PPFIBP1: variants seen among roughly 807,000 people sequenced by gnomAD.
PPFIBP1 encodes PPFIB scaffold protein 1.
Under a neutral mutation model 137.8 loss-of-function variants are expected in PPFIBP1, and 112 were observed. That is an observed-to-expected ratio of 0.81 (90% confidence interval 0.70 to 0.95). The LOEUF (loss-of-function observed/expected upper bound fraction) is 0.95. Among genes scored for constraint, PPFIBP1 ranks in the 40% least tolerant of loss-of-function variants. The pLI is 0.00. For synonymous variants in PPFIBP1, 378 were observed against 417.3 expected, an observed-to-expected ratio of 0.91 and a Z score of 1.15; for missense variants, 1,083 against 1,196.6, an observed-to-expected ratio of 0.91 and a Z score of 1.40.
At chr12:27,539,255 C>T (rs539255240) in intron 1 of PPFIBP1, among the ~76,000 whole-genome samples, 15 of 152,272 alleles carry the variant, frequency 9.9e-5, no homozygotes, top group African/African-American at 2.9e-4. Context: ...AGTGAGAAGC[C>T]TTATGCTAAG....
intron 2 of PPFIBP1, among the ~76,000 whole-genome samples, chr12:27,597,040 G>T (rs1412485355): frequency 6.6e-6 from 1 of 152,158 alleles, no homozygotes; most frequent in East Asian, 1.9e-4. Flanking sequence ...CTGGTTTCTT[G>T]GAAGAAAATC....
Position 27,680,025 on chromosome 12 carries a change from G to A in PPFIBP1, c.1859G>A (p.Arg620Gln), listed in dbSNP as rs377120565. Residue 620 changes from arginine (R) to glutamine (Q), a missense_variant, in exon 21 of 30, where the codon CGA (arginine) becomes CAA (glutamine). Coordinates refer to ENST00000228425, the MANE Select transcript of PPFIBP1 (RefSeq NM_003622.4). ...GGGACAAGGGCAACCGCGGGGCCCC[G>A]ATTAGGTTGGTCTCGAGACTTGGGA... is the stretch of plus-strand genomic sequence containing the variant. ...RGGTRATAGP[R>Q]LGWSRDLGQS... 1.7e-5 allele frequency: 28 copies of A among 1,613,984 alleles called. No homozygotes were observed. The highest frequency in any genetic ancestry group is 4.0e-5 in the African/African-American group (3 of 74,906).
chr12:27,687,406 G>C lies in PPFIBP1; in HGVS notation c.2269G>C (p.Val757Leu), dbSNP rs1363429727. The change falls in exon 25 of 30, where the codon GTT becomes CTT. Residue 757 changes from valine to leucine, a missense_variant. Coordinates refer to ENST00000228425, the MANE Select transcript of PPFIBP1 (RefSeq NM_003622.4). ...GCAGGATGACTTACTGTCTCTGAAGGTTGTAAGTGTGCTACACCATCTCAG... is the reference window on the plus strand; with the variant it reads ...GCAGGATGACTTACTGTCTCTGAAGCTTGTAAGTGTGCTACACCATCTCAG... Reference protein sequence around the residue: ...MTVDDLLSLKVVSVLHHLSIK... With the variant: ...MTVDDLLSLKLVSVLHHLSIK... The C allele has an allele frequency of 6.2e-7, 1 of 1,613,904 alleles. No individual in the cohort carries two copies. The highest frequency in any genetic ancestry group is 8.5e-7 in the Non-Finnish European group (1 of 1,179,840).
At chr12:27,570,837 C>T (rs1236747765) in intron 1 of PPFIBP1, among the ~76,000 whole-genome samples, 1 of 151,898 alleles carries the variant, frequency 6.6e-6, no homozygotes, top group Admixed American at 6.6e-5. Context: ...GGCGTGAACC[C>T]GGGAGGCAGA....
intron 1 of PPFIBP1, among the ~76,000 whole-genome samples, chr12:27,573,983 TAA>T (rs35501114): frequency 0.014 from 1,917 of 138,446 alleles, 9 homozygotes; most frequent in South Asian, 0.038. Context: ...CCCTGTCTCT[TAA>T]AAAAAAAAAA....
chr12:27,676,481 AG>A lies in PPFIBP1; in HGVS notation c.1467del (p.Gln490ArgfsTer38), dbSNP rs1565994810. On this transcript the variant is annotated frameshift_variant, in exon 18 of 30. Coordinates refer to ENST00000228425, the MANE Select transcript of PPFIBP1 (RefSeq NM_003622.4). LOFTEE classifies it high-confidence loss of function. Reference protein sequence around the residue: ...PFGTLPPRPPGQDTSMDDNPF... With the variant: ...PFGTLPPRPPXQDTSMDDNPF... ...TTGGGACCCTTCCTCCCAGGCCCCC[AG>A]GGCAGGACACCTCCATGGATGACAA... 1 of 1,595,374 alleles carries A rather than the reference AG, an allele frequency of 6.3e-7. No individual in the cohort carries two copies. The highest frequency in any genetic ancestry group is 8.5e-7 in the Non-Finnish European group (1 of 1,169,950).
intron 2 of PPFIBP1, among the ~76,000 whole-genome samples, chr12:27,629,663 G>C (rs1329473596): frequency 6.6e-6 from 1 of 152,142 alleles, no homozygotes; most frequent in Non-Finnish European, 1.5e-5. Flanking sequence ...TATTTATGAG[G>C]ACTTAAGAAA....
chr12:27,628,502 C>G (rs1480269824), intron 2 of PPFIBP1, among the ~76,000 whole-genome samples: 4 of 152,092 alleles, frequency 2.6e-5, no homozygotes, highest in Non-Finnish European at 5.9e-5. Flanking sequence ...TTGTAATTTT[C>G]TAAGGGGTTT....
chr12:27,635,221 T>A, intron 4 of PPFIBP1, 106 bp downstream of exon 4: 1 of 1,028,862 alleles, frequency 9.7e-7, no homozygotes, highest in Non-Finnish European at 1.5e-6. Context: ...GGGCAACACA[T>A]GTGCTCCGAT....
At chr12:27,692,219 T>C (rs1593434434) in intron 28 of PPFIBP1, among the ~76,000 whole-genome samples, 2 of 152,206 alleles carry the variant, frequency 1.3e-5, no homozygotes, top group Admixed American at 6.5e-5. Flanking sequence ...CCCCAACCTG[T>C]CTCTTTGGCT....
rs1234688776 is a variant in PPFIBP1, at chr12:27,683,781, T to TTTTTA, written c.2247+1098_2247+1102dup. 5.8e-5 allele frequency among the ~76,000 whole-genome samples: 8 copies of TTTTTA among 138,962 alleles called. No individual in the cohort carries two copies. The South Asian group carries it at 6.2e-4, about 11-fold the overall frequency. The allele number at this position is 138,962 out of a possible 152,430, so 91.2% of individuals were successfully genotyped here. A position where few individuals can be genotyped will look rare whatever the true frequency, so the allele number is the denominator to read the frequency against. On this transcript the variant is annotated intron_variant, in intron 24 of 29. Coordinates refer to ENST00000228425, the MANE Select transcript of PPFIBP1 (RefSeq NM_003622.4). ...CTTTATTTATTTATTTTTATTTTTA[T>TTTTTA]TTTTATTTTATTTTATTTTATTTTG...
intron 2 of PPFIBP1, among the ~76,000 whole-genome samples, chr12:27,605,712 G>A (rs376654577): frequency 1.5e-4 from 23 of 152,226 alleles, no homozygotes; most frequent in Non-Finnish European, 2.6e-4. Flanking sequence ...ACAATTCAAC[G>A]CAGTTTTGGT....
chr12:27,650,682 TC>T lies in PPFIBP1; in HGVS notation c.603+542del, dbSNP rs553691080. On this transcript the variant is annotated intron_variant, in intron 7 of 29. Transcript: ENST00000228425. ...CCAATTAAATAAGACTCACTGTACTTCTACAAAAATCAGGGTACATTCTGTA... is the reference window on the plus strand; with the variant it reads ...CCAATTAAATAAGACTCACTGTACTTTACAAAAATCAGGGTACATTCTGTA... Among the ~76,000 whole-genome samples, 35 of 152,348 alleles carry T rather than the reference TC, an allele frequency of 2.3e-4. No individual in the cohort carries two copies. The East Asian group carries it at 6.8e-3, about 29-fold the overall frequency.
chr12:27,571,521 T>A (rs2050147291), intron 1 of PPFIBP1, among the ~76,000 whole-genome samples: 1 of 152,142 alleles, frequency 6.6e-6, no homozygotes, highest in Admixed American at 6.5e-5. Flanking sequence ...ATGGTTGTAA[T>A]CTGACAATGA....
Position 27,679,485 on chromosome 12 carries a change from G to A in PPFIBP1, c.1616-4G>A. The A allele has an allele frequency of 6.2e-7, 1 of 1,606,174 alleles. No individual in the cohort carries two copies. Among genetic ancestry groups the A allele is most frequent in the Non-Finnish European group, 8.5e-7 (1 of 1,177,894 alleles). ...TCATTGTCTGCATTCTGCTCTTGGA[G>A]TAGCTGAAACAGAAAAAGAGACAGC... On this transcript the variant is annotated splice_region_variant and splice_polypyrimidine_tract_variant and intron_variant, in intron 19 of 29. Coordinates refer to ENST00000228425, the MANE Select transcript of PPFIBP1 (RefSeq NM_003622.4).
rs3842650 is a variant in PPFIBP1, at chr12:27,644,244, GTTT to G, written c.271-1795_271-1793del. Among the ~76,000 whole-genome samples the G allele has an allele frequency of 5.3e-4, 63 of 117,768 alleles. 1 individual carries two copies. The highest frequency in any genetic ancestry group is 4.5e-3 in the Middle Eastern group (1 of 224). 77.3% of individuals were successfully genotyped at this position (117,768 alleles called of 152,430 possible). A position where few individuals can be genotyped will look rare whatever the true frequency, so the allele number is the denominator to read the frequency against. ...GGCGCACACCACCAAGCTTGGCTAAGTTTTTTTTTTTTTTTTTTTTTTTTTAAG... is the reference window on the plus strand; with the variant it reads ...GGCGCACACCACCAAGCTTGGCTAAGTTTTTTTTTTTTTTTTTTTTTTAAG... On this transcript the variant is annotated intron_variant, in intron 4 of 29. Transcript: ENST00000228425.
intron 21 of PPFIBP1, 79 bp downstream of exon 21, chr12:27,680,140 C>A: frequency 6.5e-7 from 1 of 1,537,792 alleles, no homozygotes; most frequent in Non-Finnish European, 8.8e-7. Flanking sequence ...TTAGTACTGT[C>A]ATTGGGTTAA....
chr12:27,560,925 C>A (rs1016470784), intron 1 of PPFIBP1, among the ~76,000 whole-genome samples: 1 of 72,644 alleles, frequency 1.4e-5, no homozygotes, highest in African/African-American at 5.1e-5. Flanking sequence ...AATCACCTCA[C>A]CTGAAGAGAT....
chr12:27,565,915 T>C (rs997901482), intron 1 of PPFIBP1, among the ~76,000 whole-genome samples: 2 of 137,522 alleles, frequency 1.5e-5, no homozygotes, highest in Admixed American at 1.5e-4. Flanking sequence ...TCACTTTTCC[T>C]TCTTAAATAG....
Sources: gnomAD v4.1 joint callset for allele counts (sites outside exome capture counted in the v4.1 genomes callset) on GRCh38, gnomAD v4.1.1 for gene constraint, MANE v1.5 for transcripts, NCBI Gene and HGNC (gene_info 2026-07-23, HGNC 2026-07-21) for gene names.